The following CCM2L variants were observed in gnomAD, a reference collection of about 807,000 sequenced individuals.
The protein encoded by CCM2L is CCM2 like scaffold protein.
A neutral mutation model predicts 54.1 loss-of-function variants in CCM2L; 36 were observed. That is an observed-to-expected ratio of 0.67 (90% confidence interval 0.51 to 0.88). The LOEUF (loss-of-function observed/expected upper bound fraction) is 0.88. Ranked by LOEUF, CCM2L falls within the 40% of genes least tolerant of loss-of-function variation. The pLI, the probability that CCM2L is intolerant of heterozygous loss-of-function variation, is 0.00. For synonymous variants in CCM2L, 351 were observed against 359.3 expected (o/e 0.98, Z 0.26); for missense variants, 700 against 812.1 (o/e 0.86, Z 1.68).
In CCM2L at chr20:32,013,711, A is replaced by G. The variant is rs570490342; in HGVS notation, c.31-1193A>G. Among the ~76,000 whole-genome samples, 3 of 152,130 alleles carry G rather than the reference A, an allele frequency of 2.0e-5. No individual in the cohort carries two copies. The East Asian group carries it at 5.8e-4, about 29-fold the overall frequency. The stretch of plus-strand genomic sequence containing the variant: ...GCTCTCCTCCTGCCTCAGCCTCCCA[A>G]AGTGCTAGGATTACAGGCGTAAACC... On this transcript the variant is annotated intron_variant, in intron 1 of 9. Coordinates refer to ENST00000452892, the MANE Select transcript of CCM2L (RefSeq NM_001365692.1).
chr20:32,010,560 T>TGGGG, intron 1 of CCM2L, 76 bp downstream of exon 1: 3 of 105,746 alleles, frequency 2.8e-5, no homozygotes, highest in Non-Finnish European at 5.4e-5. Flanking sequence ...TGGGGCGGGG[T>TGGGG]GGGGGGTCGG....
chr20:32,020,875 T>C (rs1186504349), intron 5 of CCM2L, among the ~76,000 whole-genome samples: 2 of 151,994 alleles, frequency 1.3e-5, no homozygotes, highest in Non-Finnish European at 2.9e-5. Flanking sequence ...TCTCAGCTAC[T>C]TGGGAGGCTG....
intron 1 of CCM2L, among the ~76,000 whole-genome samples, chr20:32,011,815 C>G (rs894196319): frequency 1.3e-5 from 2 of 151,534 alleles, no homozygotes; most frequent in South Asian, 2.1e-4. Flanking sequence ...TAGTGGGGGC[C>G]CAGGGGACAA....
chr20:32,019,460 T>TGGCC, intron 5 of CCM2L, 51 bp downstream of exon 5: 12 of 1,327,574 alleles, frequency 9.0e-6, no homozygotes, highest in East Asian at 6.2e-5. Flanking sequence ...GAACGCTGCT[T>TGGCC]CCCCGCCCCC....
intron 1 of CCM2L, among the ~76,000 whole-genome samples, chr20:32,013,649 C>T (rs1039833842): frequency 2.0e-5 from 3 of 151,938 alleles, no homozygotes; most frequent in African/African-American, 7.3e-5. Context: ...ACAGTTTCAC[C>T]ATGTTGTCAA....
chr20:32,014,263 T>TATATATATATA (rs367825984), intron 1 of CCM2L, among the ~76,000 whole-genome samples: 1 of 105,118 alleles, frequency 9.5e-6, no homozygotes, highest in Non-Finnish European at 2.0e-5. Context: ...ATATATATAT[T>TATATATATATA]TTTTTTTTTT....
rs765401798 is a variant in CCM2L at position 32,025,891 on chromosome 20, G to A, written c.1105G>A (p.Asp369Asn). Residue 369 changes from aspartate to asparagine, a missense_variant, in exon 7 of 10, where the codon GAT (aspartate) becomes AAT (asparagine). Coordinates refer to ENST00000452892, the MANE Select transcript of CCM2L (RefSeq NM_001365692.1). ...CCACACAGATGGGACGTATGCCTAT[G>A]ATGCCGACTTCAGCTGCTGCAGCTC... ...SCHTDGTYAY[D>N]ADFSCCSSFN... 2 of 1,304,214 alleles carry A rather than the reference G, an allele frequency of 1.5e-6. No individual in the cohort carries two copies. Among genetic ancestry groups the A allele is most frequent in the South Asian group, 2.5e-5 (2 of 81,030 alleles). 80.8% of individuals were successfully genotyped at this position (1,304,214 alleles called of 1,614,324 possible).
At chr20:32,013,867 C>T (rs764911203) in intron 1 of CCM2L, among the ~76,000 whole-genome samples, 3 of 152,150 alleles carry the variant, frequency 2.0e-5, no homozygotes, top group Non-Finnish European at 4.4e-5. Flanking sequence ...ATTGCTGGGC[C>T]CTACTCCCAG....
chr20:32,031,362 C>A lies in CCM2L; in HGVS notation c.*48C>A. ...GGCTCAGCAGCCCACCTCTGAGTCT[C>A]AGCTTTGCTTCGGGGACCCTATCCC... On this transcript the variant is annotated 3_prime_UTR_variant, in exon 10 of 10. Transcript: ENST00000452892. 1 of 1,224,332 alleles carries A rather than the reference C, an allele frequency of 8.2e-7. No individual in the cohort carries two copies. Among genetic ancestry groups the A allele is most frequent in the Non-Finnish European group, 1.0e-6 (1 of 958,904 alleles). 75.8% of individuals were successfully genotyped at this position (1,224,332 alleles called of 1,614,324 possible). A position where few individuals can be genotyped will look rare whatever the true frequency, so the allele number is the denominator to read the frequency against.
chr20:32,023,978 C>T (rs1490588441), intron 6 of CCM2L, among the ~76,000 whole-genome samples: 1 of 152,178 alleles, frequency 6.6e-6, no homozygotes, highest in East Asian at 1.9e-4. Flanking sequence ...CGTGATCTGC[C>T]TGCCTCAGCC....
At chr20:32,013,352 T>G (rs1398484732) in intron 1 of CCM2L, among the ~76,000 whole-genome samples, 2 of 152,188 alleles carry the variant, frequency 1.3e-5, no homozygotes, top group African/African-American at 4.8e-5. Context: ...CCAGAATTTC[T>G]TATTCAGTTG....
chr20:32,019,524 C>A, intron 5 of CCM2L, 115 bp downstream of exon 5: 1 of 690,114 alleles, frequency 1.4e-6, no homozygotes, highest in Non-Finnish European at 2.2e-6. Flanking sequence ...TGCCTTCTCC[C>A]TGCACCTGCC....
intron 2 of CCM2L, 138 bp downstream of exon 2, chr20:32,015,209 GC>G: frequency 1.2e-6 from 1 of 832,880 alleles, no homozygotes; most frequent in Non-Finnish European, 1.7e-6. Flanking sequence ...GTTCATGTCA[GC>G]CTTGCCCCCA....
rs1253225373 is a variant in CCM2L at position 32,019,208 on chromosome 20, C to T, written c.732C>T (p.Ser244=). 1 of 1,145,026 alleles carries T rather than the reference C, an allele frequency of 8.7e-7. No homozygotes were observed. The highest frequency in any genetic ancestry group is 1.6e-5 in the African/African-American group (1 of 61,734). 70.9% of individuals were successfully genotyped at this position (1,145,026 alleles called of 1,614,324 possible). The part of the protein sequence containing the change: ...SGSWERRQTF[S]GSWERRHGGG... ...GCTGGGAGCGACGGCAGACGTTCAGCGGCAGCTGGGAGCGGCGGCACGGAG... is the reference window on the plus strand; with the variant it reads ...GCTGGGAGCGACGGCAGACGTTCAGTGGCAGCTGGGAGCGGCGGCACGGAG... The change falls in exon 5 of 10, where the codon AGC becomes AGT. Residue 244 remains serine (S), a synonymous_variant. Transcript: ENST00000452892.
intron 2 of CCM2L, among the ~76,000 whole-genome samples, chr20:32,017,063 G>A (rs55844075): frequency 0.026 from 3,882 of 152,204 alleles, 153 homozygotes; most frequent in African/African-American, 0.086. Context: ...CAGGAGAATC[G>A]CTTGAACCCG....
chr20:32,021,012 TC>T (rs2064801707), intron 5 of CCM2L, among the ~76,000 whole-genome samples: 1 of 146,408 alleles, frequency 6.8e-6, no homozygotes, highest in African/African-American at 2.5e-5. Context: ...CTCCCCACCC[TC>T]CCCCTGTACC....
intron 4 of CCM2L, 138 bp downstream of exon 4, chr20:32,018,300 G>C (rs2064762050): frequency 5.7e-6 from 4 of 700,886 alleles, no homozygotes; most frequent in Non-Finnish European, 8.8e-6. Flanking sequence ...GGCGGGGGCA[G>C]AGGAGATGGA....
chr20:32,013,102 A>T (rs534791553), intron 1 of CCM2L, among the ~76,000 whole-genome samples: 10 of 152,314 alleles, frequency 6.6e-5, no homozygotes, highest in African/African-American at 1.9e-4. Context: ...AGTTCAAGCC[A>T]GCCCAGGCAA....
chr20:32,024,564 C>A (rs1009192779), intron 6 of CCM2L, among the ~76,000 whole-genome samples: 2 of 152,172 alleles, frequency 1.3e-5, no homozygotes, highest in African/African-American at 4.8e-5. Context: ...CAGTGGCTCA[C>A]ACCTGTAATC....
Sources: allele counts gnomAD v4.1 joint callset (sites outside exome capture counted in the v4.1 genomes callset), GRCh38; gene constraint gnomAD v4.1.1; transcripts MANE v1.5; gene names NCBI Gene and HGNC (gene_info 2026-07-23, HGNC 2026-07-21).